Variants in CACNA1E observed in about 807,000 individuals in gnomAD.
CACNA1E encodes the protein calcium voltage-gated channel subunit alpha1 E, also known as voltage-dependent R-type calcium channel subunit alpha-1E.
A neutral mutation model predicts 259.2 loss-of-function variants in CACNA1E; 40 were observed. That is an observed-to-expected ratio of 0.15 (90% CI 0.12 to 0.20). The LOEUF (loss-of-function observed/expected upper bound fraction) is 0.20, where lower values mean the gene tolerates loss of function less well. Ranked by LOEUF, CACNA1E falls within the 10% of genes least tolerant of loss-of-function variation. The pLI, the probability that CACNA1E is intolerant of heterozygous loss-of-function variation, is 1.00. For synonymous variants in CACNA1E, 1,104 were observed against 1,138.5 expected, an observed-to-expected ratio of 0.97 and a Z score of 0.61; for missense variants, 1,874 against 3,040.1, an observed-to-expected ratio of 0.62 and a Z score of 9.02.
chr1:181,733,798 C>A (rs756900201), intron 21 of CACNA1E, 48 bp downstream of exon 21: 1 of 1,348,624 alleles, frequency 7.4e-7, no homozygotes, highest in Admixed American at 2.8e-5. Flanking sequence ...CCTATCCCAT[C>A]TGGGGCTGGG....
At chr1:181,706,995 C>T (rs1652857531) in intron 7 of CACNA1E, among the ~76,000 whole-genome samples, 1 of 152,198 alleles carries the variant, frequency 6.6e-6, no homozygotes, top group African/African-American at 2.4e-5. Context: ...GGTTAAGCTT[C>T]GCTGACCCTT....
At chr1:181,525,639 A>G (rs16857509) in intron 3 of CACNA1E, among the ~76,000 whole-genome samples, 19,364 of 152,190 alleles carry the variant, frequency 0.13, 1,349 homozygotes, top group South Asian at 0.16. Context: ...GGGAAAACCA[A>G]CCTTTCCATT....
chr1:181,658,301 C>T (rs887433665), intron 7 of CACNA1E, among the ~76,000 whole-genome samples: 2 of 152,296 alleles, frequency 1.3e-5, no homozygotes, highest in South Asian at 2.1e-4. Flanking sequence ...CATTCTCTTA[C>T]GTCTTTCTCT....
chr1:181,779,175 T>A (rs1660208568), intron 38 of CACNA1E, among the ~76,000 whole-genome samples: 1 of 152,198 alleles, frequency 6.6e-6, no homozygotes, highest in East Asian at 1.9e-4. Flanking sequence ...ATGGTCCAGA[T>A]AGGTATAATG....
intron 1 of CACNA1E, among the ~76,000 whole-genome samples, chr1:181,356,610 G>A (rs1370063041): frequency 1.3e-5 from 2 of 152,194 alleles, no homozygotes; most frequent in East Asian, 1.9e-4. Flanking sequence ...GGCCTTCAGG[G>A]AGAAGAGAGC....
At chr1:181,408,663 T>A (rs750255632) in intron 1 of CACNA1E, among the ~76,000 whole-genome samples, 1 of 152,006 alleles carries the variant, frequency 6.6e-6, no homozygotes, top group African/African-American at 2.4e-5. Context: ...TGGATTACAC[T>A]AAACGCTCTT....
intron 8 of CACNA1E, among the ~76,000 whole-genome samples, chr1:181,712,710 G>T (rs1653499139): frequency 6.6e-6 from 1 of 151,890 alleles, no homozygotes; most frequent in Admixed American, 6.6e-5. Context: ...GGTAACTCAG[G>T]CTTACCATGG....
chr1:181,459,828 G>C (rs1215535071), intron 2 of CACNA1E, among the ~76,000 whole-genome samples: 1 of 152,232 alleles, frequency 6.6e-6, no homozygotes, highest in East Asian at 1.9e-4. Flanking sequence ...TGGGCAACTG[G>C]AAGGTGGAGA....
At chr1:181,647,730 C>T (rs1327727517) in intron 6 of CACNA1E, among the ~76,000 whole-genome samples, 1 of 152,176 alleles carries the variant, frequency 6.6e-6, no homozygotes, top group Non-Finnish European at 1.5e-5. Flanking sequence ...CAGAAAGAAC[C>T]ATGCCATTTT....
At chr1:181,613,985 G>A (rs1251020042) in intron 6 of CACNA1E, among the ~76,000 whole-genome samples, 1 of 152,228 alleles carries the variant, frequency 6.6e-6, no homozygotes, top group South Asian at 2.1e-4. Context: ...TGGCATTAAA[G>A]TCTCCAGCTT....
At chr1:181,772,264 G>C (rs764193767) in intron 37 of CACNA1E, 33 bp downstream of exon 37, 32 of 1,598,398 alleles carry the variant, frequency 2.0e-5, no homozygotes, top group Non-Finnish European at 2.7e-5. Context: ...CTTGCTATGT[G>C]GCCCATCCCA....
At position 181,781,499 on chromosome 1, in the gene CACNA1E, A is replaced by G. The variant is rs563621385; in HGVS notation, c.5340A>G (p.Arg1780=). Residue 1780 remains arginine, a synonymous_variant, in exon 39 of 48, where the codon AGA becomes AGG. Coordinates refer to ENST00000367573, the MANE Select transcript of CACNA1E (RefSeq NM_001205293.3). ...LMSPPLGLGK[R]CPSKVAYKRL... ...CACCTCCGCTAGGCCTCGGCAAGAG[A>G]TGTCCCTCCAAAGTGGCATATAAGG... The G allele has an allele frequency of 2.5e-6, 4 of 1,584,802 alleles. No homozygotes were observed. The highest frequency in any genetic ancestry group is 3.5e-6 in the Non-Finnish European group (4 of 1,158,742).
rs181026008 is a variant in CACNA1E at position 181,765,337 on chromosome 1, G to C, written c.4816-1209G>C. Among the ~76,000 whole-genome samples the C allele has an allele frequency of 3.9e-5, 6 of 152,284 alleles. No individual in the cohort carries two copies. The East Asian group carries it at 1.2e-3, about 29-fold the overall frequency. On this transcript the variant is annotated intron_variant, in intron 34 of 47. Transcript: ENST00000367573. ...TAAACTAGGGACTAGAGTGGAGACA[G>C]TAGAATAAGGGCAGAAGGTAAAGAT...
At chr1:181,750,975 CAGGGGGGTGGGGT>C (rs1406679431) in intron 26 of CACNA1E, among the ~76,000 whole-genome samples, 3 of 147,946 alleles carry the variant, frequency 2.0e-5, no homozygotes, top group Non-Finnish European at 3.0e-5. Context: ...ATCTCCCTGT[CAGGGGGGTGGGGT>C]AGGGGGGTAG....
chr1:181,788,759 A>G (rs1217382138), intron 43 of CACNA1E, among the ~76,000 whole-genome samples: 2 of 152,184 alleles, frequency 1.3e-5, no homozygotes, highest in African/African-American at 4.8e-5. Context: ...GTAGGAGATC[A>G]CTCTGGGTTC....
rs1662130902 is a variant in CACNA1E at position 181,799,691 on chromosome 1, T to C, written c.*857T>C. The C allele has an allele frequency of 6.6e-6, 1 of 152,228 alleles. No homozygotes were observed. Among genetic ancestry groups the C allele is most frequent in the African/African-American group, 2.4e-5 (1 of 41,458 alleles). The allele number at this position is 152,228 out of a possible 1,614,324, so 9.4% of individuals were successfully genotyped here. On this transcript the variant is annotated 3_prime_UTR_variant, in exon 48 of 48. Coordinates refer to ENST00000367573, the MANE Select transcript of CACNA1E (RefSeq NM_001205293.3). ...ACAACCGCTATGGCATCAATGTAAG[T>C]GGAGTTTGGTCCTAGTGCCGGAGCC...
chr1:181,658,904 T>C (rs1426096016), intron 7 of CACNA1E, among the ~76,000 whole-genome samples: 4 of 152,040 alleles, frequency 2.6e-5, no homozygotes, highest in Non-Finnish European at 4.4e-5. Flanking sequence ...TGCAGGGGGT[T>C]CAGCAGCAGC....
At chr1:181,560,852 G>A (rs1649251562) in intron 3 of CACNA1E, among the ~76,000 whole-genome samples, 1 of 152,206 alleles carries the variant, frequency 6.6e-6, no homozygotes. Flanking sequence ...TTCACTGATG[G>A]AGGAATGGAT....
At chr1:181,453,885 GGC>G (rs1661303495) in intron 2 of CACNA1E, among the ~76,000 whole-genome samples, 2 of 152,172 alleles carry the variant, frequency 1.3e-5, no homozygotes, top group Admixed American at 1.3e-4. Flanking sequence ...GCCCCTGATA[GGC>G]TGGTCACCCA....
Sources: gnomAD v4.1 joint callset for allele counts (sites outside exome capture counted in the v4.1 genomes callset) on GRCh38, gnomAD v4.1.1 for gene constraint, MANE v1.5 for transcripts, NCBI Gene and HGNC (gene_info 2026-07-23, HGNC 2026-07-21) for gene names.